The following MASTL variants were observed in gnomAD, a reference collection of about 807,000 sequenced individuals.
MASTL encodes serine/threonine-protein kinase greatwall.
In MASTL, 54 loss-of-function variants were observed where a neutral mutation model predicts 82.5. The ratio of observed to expected loss-of-function variants is 0.65; its 90% CI spans 0.53 to 0.82. MASTL has a LOEUF of 0.82. Ranked by LOEUF, MASTL falls within the 40% of genes least tolerant of loss-of-function variation. MASTL has a pLI of 0.00. For missense variants in MASTL, 950 were observed against 1,047.8 expected (o/e 0.91, Z 1.29); for synonymous variants, 323 against 368.9 (o/e 0.88, Z 1.43).
chr10:27,167,339 T>C lies in MASTL; in HGVS notation c.984+65T>C, dbSNP rs1169302588. 5 of 1,322,484 alleles carry C rather than the reference T, an allele frequency of 3.8e-6. No homozygotes were observed. In the Admixed American group the frequency reaches 5.2e-5, roughly 14 times the overall value. 81.9% of individuals were successfully genotyped at this position (1,322,484 alleles called of 1,614,324 possible). ...TGTCAAATGAATGTGAGAAATATTA[T>C]ACCTTTTCATATAAATTCCATAAAG... On this transcript the variant is annotated intron_variant, in intron 7 of 11. Transcript: ENST00000375940.
In MASTL at chr10:27,159,583, G is replaced by GT; in HGVS notation, c.325-31dup. 1 of 1,388,872 alleles carries GT rather than the reference G, an allele frequency of 7.2e-7. No homozygotes were observed. The highest frequency in any genetic ancestry group is 1.4e-5 in the African/African-American group (1 of 70,222). 86.0% of individuals were successfully genotyped at this position (1,388,872 alleles called of 1,614,324 possible). A position where few individuals can be genotyped will look rare whatever the true frequency, so the allele number is the denominator to read the frequency against. On this transcript the variant is annotated intron_variant, in intron 2 of 11. Transcript: ENST00000375940. This position sits in a 1 kb window ranked among gnomAD's most constrained non-coding sequence, Gnocchi z 4.0. ...ACTAGATTTTTAAAGTAATCATATTGTTTTTATTTCACAATATTAAATTCT... is the reference window on the plus strand; with the variant it reads ...ACTAGATTTTTAAAGTAATCATATTGTTTTTTATTTCACAATATTAAATTCT...
Position 27,170,721 on chromosome 10 carries a change from T to G in MASTL, c.1762T>G (p.Leu588Val). 1 of 1,613,692 alleles carries G rather than the reference T, an allele frequency of 6.2e-7. No homozygotes were observed. Among genetic ancestry groups the G allele is most frequent in the Non-Finnish European group, 8.5e-7 (1 of 1,179,846 alleles). Residue 588 changes from leucine to valine, a missense_variant, in exon 8 of 12, where the codon TTA (leucine) becomes GTA (valine). Physicochemically the swap from Leu to Val is conservative, Grantham distance 32 (BLOSUM62 1). Coordinates refer to ENST00000375940, the MANE Select transcript of MASTL (RefSeq NM_001172303.3). ...GGAAAGTCCATTAGAAAGTCAGCCC[T>G]TAGATTCAGATAGAAGCATCAAAGA... ...IMESPLESQP[L>V]DSDRSIKESS...
At position 27,173,348 on chromosome 10, in the gene MASTL, T is replaced by TA. The variant is rs1179468154; in HGVS notation, c.2266+90dup. Reference sequence around the variant, plus strand: ...AATTTTAAAAAATTTCTTCAGTACTTACGTTACCTAAAGTAAAAGAAAATG... The same window carrying TA: ...AATTTTAAAAAATTTCTTCAGTACTTAACGTTACCTAAAGTAAAAGAAAATG... On this transcript the variant is annotated intron_variant, in intron 9 of 11. Transcript: ENST00000375940. 3.9e-5 allele frequency: 56 copies of TA among 1,420,192 alleles called. 1 individual carries two copies. The highest frequency in any genetic ancestry group is 3.4e-4 in the South Asian group (29 of 86,136). 88.0% of individuals were successfully genotyped at this position (1,420,192 alleles called of 1,614,324 possible).
At chr10:27,168,830 C>A (rs1345517889) in intron 7 of MASTL, among the ~76,000 whole-genome samples, 2 of 152,066 alleles carry the variant, frequency 1.3e-5, no homozygotes, top group Non-Finnish European at 2.9e-5. Context: ...ATCCTTTTTG[C>A]TTGAGACTAA....
intron 7 of MASTL, among the ~76,000 whole-genome samples, chr10:27,169,107 T>C (rs2057833607): frequency 6.6e-6 from 1 of 152,220 alleles, no homozygotes; most frequent in Non-Finnish European, 1.5e-5. Context: ...ATTTCTGCTC[T>C]TTGGGGTTTG....
Position 27,158,589 on chromosome 10 carries a change from A to G in MASTL, c.227A>G (p.His76Arg), listed in dbSNP as rs1461835357. Residue 76 changes from histidine to arginine, a missense_variant, in exon 2 of 12, where the codon CAT (histidine) becomes CGT (arginine). His to Arg is a conservative substitution (Grantham distance 29, BLOSUM62 0). Transcript: ENST00000375940. The stretch of plus-strand genomic sequence containing the variant: ...GACATGATCAACAAAAATATGACTC[A>G]TCAGGTCCAAGCTGAGAGAGATGCA... ...KADMINKNMT[H>R]QVQAERDALA... 6.2e-7 allele frequency: 1 copy of G among 1,611,542 alleles called. No individual in the cohort carries two copies. The highest frequency in any genetic ancestry group is 8.5e-7 in the Non-Finnish European group (1 of 1,177,584).
chr10:27,181,156 G>C, intron 10 of MASTL, 90 bp downstream of exon 10: 3 of 952,238 alleles, frequency 3.2e-6, no homozygotes, highest in Non-Finnish European at 5.1e-6. Context: ...AGGCCAAGGC[G>C]GGTGGATCGC....
At chr10:27,158,794 C>A in intron 2 of MASTL, 108 bp downstream of exon 2, 1 of 1,197,936 alleles carries the variant, frequency 8.3e-7, no homozygotes, top group Non-Finnish European at 1.2e-6. Flanking sequence ...TGAATTCTGG[C>A]TGCACTCACT....
At chr10:27,156,829 ATTTTTT>A (rs10660334) in intron 1 of MASTL, among the ~76,000 whole-genome samples, 1 of 122,372 alleles carries the variant, frequency 8.2e-6, no homozygotes, top group East Asian at 2.4e-4. Context: ...CCTGCTATGA[ATTTTTT>A]TTTTTTTTTT....
intron 11 of MASTL, among the ~76,000 whole-genome samples, chr10:27,182,845 A>C (rs937033051): frequency 9.3e-5 from 14 of 150,730 alleles, no homozygotes; most frequent in Middle Eastern, 6.8e-3. Flanking sequence ...ACAGTGTCTC[A>C]CTATGTTGCT....
intron 9 of MASTL, among the ~76,000 whole-genome samples, chr10:27,179,090 G>C (rs2058192962): frequency 6.6e-6 from 1 of 152,118 alleles, no homozygotes. Context: ...TGTCTTTAAA[G>C]AGTAACTTTC....
Position 27,172,651 on chromosome 10 carries a change from T to C in MASTL, c.2125-467T>C, listed in dbSNP as rs541877304. On this transcript the variant is annotated intron_variant, in intron 8 of 11. Coordinates refer to ENST00000375940, the MANE Select transcript of MASTL (RefSeq NM_001172303.3). ...CCTGGGCAACAAGAGCGAAACTCCATCTCAAAAAAAAAAACTTGTTGTGAA... is the reference window on the plus strand; with the variant it reads ...CCTGGGCAACAAGAGCGAAACTCCACCTCAAAAAAAAAAACTTGTTGTGAA... Among the ~76,000 whole-genome samples the C allele has an allele frequency of 5.0e-4, 75 of 151,370 alleles. 1 individual carries two copies. Among genetic ancestry groups the C allele is most frequent in the African/African-American group, 1.5e-3 (64 of 41,322 alleles).
intron 1 of MASTL, among the ~76,000 whole-genome samples, chr10:27,156,561 G>T (rs1448802446): frequency 6.6e-6 from 1 of 152,086 alleles, no homozygotes; most frequent in Non-Finnish European, 1.5e-5. Context: ...GTGCTGTGGT[G>T]CAGTCTCGGC....
intron 4 of MASTL, 109 bp downstream of exon 4, chr10:27,161,291 T>C: frequency 1.5e-6 from 1 of 673,804 alleles, no homozygotes; most frequent in Non-Finnish European, 2.7e-6. Flanking sequence ...GCAGATCACC[T>C]GAGGTCAGGA....
At chr10:27,157,718 A>T (rs1268766226) in intron 1 of MASTL, among the ~76,000 whole-genome samples, 5 of 152,108 alleles carry the variant, frequency 3.3e-5, no homozygotes, top group Non-Finnish European at 7.4e-5. Context: ...TTGAAACTTG[A>T]AAAGAGTAAT....
chr10:27,177,245 T>A (rs919598296), intron 9 of MASTL, among the ~76,000 whole-genome samples: 2 of 152,164 alleles, frequency 1.3e-5, no homozygotes, highest in African/African-American at 4.8e-5. Context: ...GCAATAGACA[T>A]ATTTAGTGTT....
chr10:27,173,072 A>G, intron 8 of MASTL, 46 bp from the exon 9 acceptor site: 2 of 1,609,768 alleles, frequency 1.2e-6, no homozygotes, highest in Non-Finnish European at 1.7e-6. Flanking sequence ...ATTCGGTGTA[A>G]AAGGAATTAA....
intron 1 of MASTL, among the ~76,000 whole-genome samples, chr10:27,156,848 T>TC (rs1554810432): frequency 2.2e-5 from 3 of 138,896 alleles, no homozygotes; most frequent in Non-Finnish European, 3.1e-5. Flanking sequence ...TTTTTTTTTT[T>TC]GAGATAGAGT....
Position 27,167,199 on chromosome 10 carries a change from T to C in MASTL, c.909T>C (p.Ser303=), listed in dbSNP as rs372636457. ...SRKRLATSSA[S]SQSHTFISSV... ...AAAGGCTGGCCACATCCAGTGCCAG[T>C]AGTCAATCCCACACCTTCATATCCA... The change falls in exon 7 of 12, where the codon AGT becomes AGC. Residue 303 remains serine, a synonymous_variant. Transcript: ENST00000375940. The C allele has an allele frequency of 2.2e-5, 35 of 1,614,046 alleles. No individual in the cohort carries two copies. The highest frequency in any genetic ancestry group is 6.6e-5 in the South Asian group (6 of 91,082).
Sources: gnomAD v4.1 joint callset for allele counts (sites outside exome capture counted in the v4.1 genomes callset) on GRCh38, gnomAD v4.1.1 for gene constraint, Gnocchi (gnomAD v3.1) non-coding constraint, MANE v1.5 for transcripts, NCBI Gene and HGNC (gene_info 2026-07-23, HGNC 2026-07-21) for gene names.